ROBO2: variants seen among roughly 807,000 people sequenced by gnomAD.
ROBO2 encodes roundabout homolog 2.
A neutral mutation model predicts 160.8 loss-of-function variants in ROBO2; 53 were observed. The ratio of observed to expected loss-of-function variants is 0.33; its 90% CI spans 0.26 to 0.41. The LOEUF is 0.41. ROBO2 is among the 10% of genes least tolerant of loss of function. The probability of loss-of-function intolerance (pLI) is 1.00; values close to 1 mark genes in which losing one functional copy is unlikely to be tolerated. For missense variants in ROBO2, 1,577 were observed against 1,722.4 expected (o/e 0.92, Z 1.49); for synonymous variants, 664 against 611.7 (o/e 1.09, Z -1.26).
chr3:76,722,802 G>A (rs1383390265), intron 2 of ROBO2, among the ~76,000 whole-genome samples: 2 of 152,132 alleles, frequency 1.3e-5, no homozygotes, highest in East Asian at 3.9e-4. Context: ...ATTGCTTTTT[G>A]TTACTGAATA....
rs568592118 is a variant in ROBO2, at chr3:75,973,351, C to A, written c.109+35749C>A. Among the ~76,000 whole-genome samples the A allele has an allele frequency of 2.2e-4, 33 of 151,652 alleles. 1 individual carries two copies. The highest frequency in any genetic ancestry group is 2.1e-4 in the South Asian group (1 of 4,816). ...GGAAGAGTGCTTCAGTACAAACTTT[C>A]CAGGCTCAGTTTGGCAGAATTTATC... On this transcript the variant is annotated intron_variant, in intron 2 of 26. Transcript: ENST00000487694.
chr3:75,993,372 A>C (rs559757591), intron 2 of ROBO2, among the ~76,000 whole-genome samples: 4 of 152,234 alleles, frequency 2.6e-5, no homozygotes, highest in African/African-American at 9.6e-5. Flanking sequence ...CCCCTGCACA[A>C]GCCCTCTCTC....
intron 2 of ROBO2, among the ~76,000 whole-genome samples, chr3:76,523,130 C>T (rs1001979433): frequency 2.6e-5 from 4 of 151,204 alleles, no homozygotes; most frequent in Non-Finnish European, 2.9e-5. Context: ...CTCCAAATAC[C>T]GTAAATTTGT....
At chr3:77,169,656 A>C (rs1169362737) in intron 2 of ROBO2, among the ~76,000 whole-genome samples, 2 of 152,240 alleles carry the variant, frequency 1.3e-5, no homozygotes, top group Non-Finnish European at 2.9e-5. Context: ...TGTAACTGTG[A>C]CTGAGCAGTT....
At chr3:75,993,784 G>A (rs2065641536) in intron 2 of ROBO2, among the ~76,000 whole-genome samples, 1 of 152,064 alleles carries the variant, frequency 6.6e-6, no homozygotes, top group South Asian at 2.1e-4. Flanking sequence ...GAAATGACTG[G>A]TGGTCATGGT....
chr3:76,035,882 A>G (rs372443079), intron 2 of ROBO2, among the ~76,000 whole-genome samples: 25 of 152,024 alleles, frequency 1.6e-4, no homozygotes, highest in East Asian at 1.5e-3. Context: ...TGTCTCCTTC[A>G]CCCTCTAAAA....
intron 2 of ROBO2, among the ~76,000 whole-genome samples, chr3:76,448,902 C>T (rs1054465097): frequency 2.0e-5 from 3 of 152,090 alleles, no homozygotes; most frequent in Admixed American, 1.3e-4. Flanking sequence ...ATCACTGCAT[C>T]CCTATTCATT....
intron 2 of ROBO2, among the ~76,000 whole-genome samples, chr3:76,715,825 C>T (rs1033629985): frequency 2.0e-5 from 3 of 152,104 alleles, no homozygotes; most frequent in Non-Finnish European, 2.9e-5. Context: ...TTTATTCTCT[C>T]TTATTGGAGA....
At chr3:76,889,965 A>G (rs969246447) in intron 2 of ROBO2, among the ~76,000 whole-genome samples, 1 of 152,022 alleles carries the variant, frequency 6.6e-6, no homozygotes, top group Admixed American at 6.6e-5. Flanking sequence ...CCTGAGAGAG[A>G]AGTGAGAGCG....
At chr3:77,008,104 T>C (rs1050272734) in intron 2 of ROBO2, among the ~76,000 whole-genome samples, 17 of 152,070 alleles carry the variant, frequency 1.1e-4, no homozygotes, top group Admixed American at 9.2e-4. Flanking sequence ...TGATGCTTCA[T>C]GCATACTATA....
At chr3:77,208,883 A>G (rs2083756114) in intron 2 of ROBO2, among the ~76,000 whole-genome samples, 1 of 152,204 alleles carries the variant, frequency 6.6e-6, no homozygotes, top group African/African-American at 2.4e-5. Context: ...TTAAAACCTT[A>G]GTACTTGGAC....
intron 2 of ROBO2, among the ~76,000 whole-genome samples, chr3:76,685,931 G>C (rs2092675778): frequency 6.6e-6 from 1 of 151,980 alleles, no homozygotes; most frequent in Non-Finnish European, 1.5e-5. Flanking sequence ...TCCTTTCTTG[G>C]CTTTGCTTAA....
At chr3:77,512,433 A>G (rs1561041172) in intron 5 of ROBO2, among the ~76,000 whole-genome samples, 1 of 151,994 alleles carries the variant, frequency 6.6e-6, no homozygotes, top group Non-Finnish European at 1.5e-5. Flanking sequence ...TGCCTTGAAT[A>G]AATTTGTGAG....
chr3:76,045,620 A>C (rs922033336), intron 2 of ROBO2, among the ~76,000 whole-genome samples: 3 of 152,112 alleles, frequency 2.0e-5, no homozygotes, highest in Admixed American at 1.3e-4. Flanking sequence ...TTAATTTCTC[A>C]GTCAACACCA....
intron 2 of ROBO2, among the ~76,000 whole-genome samples, chr3:77,301,935 C>T (rs2062694802): frequency 6.6e-6 from 1 of 151,176 alleles, no homozygotes; most frequent in Non-Finnish European, 1.5e-5. Flanking sequence ...CAGGGTCTTA[C>T]TCTGTCACCC....
intron 2 of ROBO2, among the ~76,000 whole-genome samples, chr3:77,128,988 T>A (rs1394344266): frequency 6.6e-6 from 1 of 152,156 alleles, no homozygotes; most frequent in Admixed American, 6.5e-5. Flanking sequence ...TACTTTTTAT[T>A]TCTAGTGAGG....
At chr3:77,229,679 G>T (rs199875750) in intron 2 of ROBO2, among the ~76,000 whole-genome samples, 8 of 137,658 alleles carry the variant, frequency 5.8e-5, no homozygotes. Context: ...AAAAAAAAAA[G>T]AGAGAGAATG....
At chr3:76,330,423 A>G (rs1391678926) in intron 2 of ROBO2, among the ~76,000 whole-genome samples, 2 of 152,226 alleles carry the variant, frequency 1.3e-5, no homozygotes, top group South Asian at 2.1e-4. Context: ...GCTTTCAAAT[A>G]CACTATTTTT....
chr3:77,562,090 C>CAA, intron 9 of ROBO2, among the ~76,000 whole-genome samples: 1 of 152,028 alleles, frequency 6.6e-6, no homozygotes, highest in East Asian at 1.9e-4. Flanking sequence ...GCAACAAGAG[C>CAA]AAAACTCTGT....
Sources: allele counts gnomAD v4.1 joint callset (sites outside exome capture counted in the v4.1 genomes callset), GRCh38; gene constraint gnomAD v4.1.1; transcripts MANE v1.5; gene names NCBI Gene and HGNC (gene_info 2026-07-23, HGNC 2026-07-21).